The following ERC1 variants were observed in gnomAD, a reference collection of about 807,000 sequenced individuals.
ERC1 encodes ELKS/RAB6-interacting/CAST family member 1.
In ERC1, 56 loss-of-function variants were observed where a neutral mutation model predicts 132.0. The observed-to-expected ratio is 0.42, with a 90% confidence interval of 0.34 to 0.53. ERC1 has a LOEUF of 0.53. Among genes scored for constraint, ERC1 ranks in the 20% least tolerant of loss-of-function variants. The probability of loss-of-function intolerance (pLI) is 0.03; values close to 1 mark genes in which losing one functional copy is unlikely to be tolerated. For missense variants in ERC1, 1,202 were observed against 1,349.9 expected, an observed-to-expected ratio of 0.89 and a Z score of 1.72; for synonymous variants, 478 against 476.1, an observed-to-expected ratio of 1.00 and a Z score of -0.05.
chr12:1,057,816 G>A (rs929572379), intron 2 of ERC1, among the ~76,000 whole-genome samples: 4 of 151,740 alleles, frequency 2.6e-5, no homozygotes, highest in Non-Finnish European at 5.9e-5. Flanking sequence ...GGATGCTCTC[G>A]ATATTCTGAC....
intron 16 of ERC1, among the ~76,000 whole-genome samples, chr12:1,396,385 A>G (rs1267513792): frequency 6.6e-6 from 1 of 152,208 alleles, no homozygotes; most frequent in Non-Finnish European, 1.5e-5. Context: ...TTTTTGCACC[A>G]ATCATGGAAA....
chr12:1,215,072 A>G (rs1958266333), intron 12 of ERC1, among the ~76,000 whole-genome samples: 1 of 152,202 alleles, frequency 6.6e-6, no homozygotes, highest in African/African-American at 2.4e-5. Flanking sequence ...TTTCATTTCA[A>G]TGACAATAAA....
intron 4 of ERC1, among the ~76,000 whole-genome samples, chr12:1,109,865 T>A (rs532055489): frequency 6.6e-6 from 1 of 152,172 alleles, no homozygotes; most frequent in East Asian, 1.9e-4. Context: ...CTGGCCAACA[T>A]GGCAAAACCC....
At chr12:1,437,475 C>T (rs554181179) in intron 17 of ERC1, among the ~76,000 whole-genome samples, 1 of 152,320 alleles carries the variant, frequency 6.6e-6, no homozygotes, top group South Asian at 2.1e-4. Context: ...TGGAGAGACA[C>T]ATAGATATGC....
intron 4 of ERC1, among the ~76,000 whole-genome samples, chr12:1,106,877 A>G (rs1439017009): frequency 5.9e-5 from 9 of 151,392 alleles, no homozygotes; most frequent in Admixed American, 5.3e-4. Context: ...TTCTGCTAAG[A>G]AGGAGAAAGA....
chr12:1,053,024 A>G (rs576973476), intron 2 of ERC1, among the ~76,000 whole-genome samples: 1 of 152,274 alleles, frequency 6.6e-6, no homozygotes, highest in South Asian at 2.1e-4. Context: ...TTCTGTTTGA[A>G]TAGTTTATTT....
At chr12:1,388,735 G>T (rs1370416059) in intron 16 of ERC1, among the ~76,000 whole-genome samples, 1 of 152,144 alleles carries the variant, frequency 6.6e-6, no homozygotes, top group Non-Finnish European at 1.5e-5. Flanking sequence ...TTAAAAACAG[G>T]GAGACTGTTT....
chr12:1,394,435 C>G (rs1399945259), intron 16 of ERC1, among the ~76,000 whole-genome samples: 1 of 152,092 alleles, frequency 6.6e-6, no homozygotes, highest in African/African-American at 2.4e-5. Context: ...AGTATTACTT[C>G]TTGTTTTCGT....
intron 16 of ERC1, among the ~76,000 whole-genome samples, chr12:1,389,896 T>G (rs2089794338): frequency 6.6e-6 from 1 of 152,206 alleles, no homozygotes; most frequent in Non-Finnish European, 1.5e-5. Flanking sequence ...CAAAAATATG[T>G]AGTGCCTTTA....
At chr12:1,015,801 C>T (rs991742005) in intron 1 of ERC1, among the ~76,000 whole-genome samples, 1 of 152,104 alleles carries the variant, frequency 6.6e-6, no homozygotes, top group African/African-American at 2.4e-5. Context: ...ATATTTGACT[C>T]GTTGATGAGC....
rs558863367 is a variant in ERC1, at chr12:1,284,170, G to A, written c.2620-5682G>A. ...GAGAACAAGCAACATCTGTCTTTCC[G>A]TGCCTGGCTTGTTTCACTTAACATA... On this transcript the variant is annotated intron_variant, in intron 14 of 18. Transcript: ENST00000360905. 8.0e-4 allele frequency among the ~76,000 whole-genome samples: 122 copies of A among 152,060 alleles called. 1 individual carries two copies. The highest frequency in any genetic ancestry group is 2.9e-3 in the African/African-American group (119 of 41,464).
intron 16 of ERC1, among the ~76,000 whole-genome samples, chr12:1,384,999 A>G (rs1337254079): frequency 6.6e-6 from 1 of 152,222 alleles, no homozygotes; most frequent in Non-Finnish European, 1.5e-5. Context: ...TTGAATGGAT[A>G]TTACTGTGTT....
chr12:1,180,528 A>G lies in ERC1; in HGVS notation c.1738-12A>G, dbSNP rs757074401. The G allele has an allele frequency of 1.6e-5, 26 of 1,612,132 alleles. No homozygotes were observed. The highest frequency in any genetic ancestry group is 6.6e-5 in the South Asian group (6 of 90,988). ...GTCCTCTCTTTTCCCTTAAATATTTATGTACATTTAGATTGAAAATCTTCA... is the reference window on the plus strand; with the variant it reads ...GTCCTCTCTTTTCCCTTAAATATTTGTGTACATTTAGATTGAAAATCTTCA... On this transcript the variant is annotated splice_polypyrimidine_tract_variant and intron_variant, in intron 8 of 18. Coordinates refer to ENST00000360905, the MANE Select transcript of ERC1 (RefSeq NM_178040.4).
intron 14 of ERC1, among the ~76,000 whole-genome samples, chr12:1,266,118 G>A (rs2154327827): frequency 6.6e-6 from 1 of 152,168 alleles, no homozygotes; most frequent in East Asian, 1.9e-4. Flanking sequence ...AGGAGTTTTG[G>A]AAAAAGCTGC....
At chr12:1,413,264 A>T (rs908090439) in intron 17 of ERC1, among the ~76,000 whole-genome samples, 1 of 152,256 alleles carries the variant, frequency 6.6e-6, no homozygotes, top group Middle Eastern at 3.4e-3. Flanking sequence ...ATAAAAAAAA[A>T]TAACAGTTCC....
At chr12:1,443,981 A>C (rs1405098235) in intron 17 of ERC1, 1 of 152,248 alleles carries the variant, frequency 6.6e-6, no homozygotes, top group Non-Finnish European at 1.5e-5. Context: ...ATATCGGATA[A>C]CCTCTGTGAA....
intron 18 of ERC1, among the ~76,000 whole-genome samples, chr12:1,450,263 A>G (rs974364722): frequency 6.6e-6 from 1 of 152,082 alleles, no homozygotes; most frequent in Non-Finnish European, 1.5e-5. Context: ...ACCACCATCT[A>G]TCTCTGTAGC....
intron 3 of ERC1, among the ~76,000 whole-genome samples, chr12:1,101,874 G>C (rs926139774): frequency 6.6e-6 from 1 of 152,198 alleles, no homozygotes; most frequent in African/African-American, 2.4e-5. Flanking sequence ...GATGGAGCCC[G>C]TAGGCCCTAA....
intron 2 of ERC1, among the ~76,000 whole-genome samples, chr12:1,056,083 TTA>T (rs34593888): frequency 0.011 from 1,318 of 120,728 alleles, 14 homozygotes; most frequent in African/African-American, 0.043. Flanking sequence ...TTTTTTTTTT[TTA>T]AAAAAAAGGT....
Sources: gnomAD v4.1 joint callset for allele counts (sites outside exome capture counted in the v4.1 genomes callset) on GRCh38, gnomAD v4.1.1 for gene constraint, MANE v1.5 for transcripts, NCBI Gene and HGNC (gene_info 2026-07-23, HGNC 2026-07-21) for gene names.